CPEB3: variants seen among roughly 807,000 people sequenced by gnomAD.
The protein encoded by CPEB3 is cytoplasmic polyadenylation element-binding protein 3.
In CPEB3, 20 loss-of-function variants were observed where a neutral mutation model predicts 67.2. The ratio of observed to expected loss-of-function variants is 0.30; its 90% confidence interval spans 0.21 to 0.43. The LOEUF (loss-of-function observed/expected upper bound fraction) is 0.43. Ranked by LOEUF, CPEB3 falls within the 20% of genes least tolerant of loss-of-function variation. CPEB3 has a pLI of 1.00. For synonymous variants in CPEB3, 376 were observed against 393.1 expected (o/e 0.96, Z 0.51); for missense variants, 746 against 968.6 (o/e 0.77, Z 3.05).
At chr10:92,268,810 G>A (rs965996971) in intron 1 of CPEB3, among the ~76,000 whole-genome samples, 1 of 152,118 alleles carries the variant, frequency 6.6e-6, no homozygotes. Context: ...TTCCATGATG[G>A]CAACCATTGG....
chr10:92,069,419 T>G (rs1358904023), intron 9 of CPEB3, among the ~76,000 whole-genome samples: 1 of 152,228 alleles, frequency 6.6e-6, no homozygotes, highest in Non-Finnish European at 1.5e-5. Flanking sequence ...CAATGCCTTT[T>G]TTGAGACAGG....
At chr10:92,267,944 G>A (rs1022369824) in intron 1 of CPEB3, among the ~76,000 whole-genome samples, 3 of 151,976 alleles carry the variant, frequency 2.0e-5, no homozygotes, top group African/African-American at 4.8e-5. Flanking sequence ...TCCTCCTCCC[G>A]AGTAGCTGGG....
chr10:92,234,143 A>C (rs1851413068), intron 2 of CPEB3, among the ~76,000 whole-genome samples: 1 of 151,454 alleles, frequency 6.6e-6, no homozygotes, highest in African/African-American at 2.4e-5. Context: ...ATAAAGGCAG[A>C]GATACAGACA....
chr10:92,201,347 G>A (rs1564861099), intron 2 of CPEB3, among the ~76,000 whole-genome samples: 4 of 152,174 alleles, frequency 2.6e-5, no homozygotes, highest in Admixed American at 2.6e-4. Flanking sequence ...GGCCAACATG[G>A]TGAAACCCCG....
chr10:92,224,193 C>A (rs1442467494), intron 2 of CPEB3, among the ~76,000 whole-genome samples: 1 of 152,196 alleles, frequency 6.6e-6, no homozygotes, highest in Non-Finnish European at 1.5e-5. Flanking sequence ...AGCCACCGTG[C>A]CCCTGATTGT....
In CPEB3 at chr10:92,098,777, T is replaced by C. The variant is rs543535535; in HGVS notation, c.1573-6833A>G. Among the ~76,000 whole-genome samples the C allele has an allele frequency of 4.8e-5, 7 of 145,742 alleles. No homozygotes were observed. The East Asian group carries it at 1.2e-3, about 24-fold the overall frequency. ...AACTATTTTTCTTTTTTTCTTTTTT[T>C]TTTTTTTTTTTTGAGATGGAGTCTG... is the stretch of plus-strand genomic sequence containing the variant. On this transcript the variant is annotated intron_variant, in intron 7 of 9. Transcript: ENST00000265997.
At chr10:92,200,996 C>T (rs1017415758) in intron 2 of CPEB3, among the ~76,000 whole-genome samples, 3 of 152,098 alleles carry the variant, frequency 2.0e-5, no homozygotes, top group Non-Finnish European at 4.4e-5. Flanking sequence ...AGTACAAATG[C>T]CACCTGCTGC....
intron 2 of CPEB3, among the ~76,000 whole-genome samples, chr10:92,226,740 T>G (rs934846058): frequency 1.3e-5 from 2 of 150,694 alleles, no homozygotes; most frequent in African/African-American, 4.9e-5. Flanking sequence ...GAACAGAACA[T>G]CAAAGGCATA....
At chr10:92,131,805 C>T (rs1845855000) in intron 6 of CPEB3, among the ~76,000 whole-genome samples, 1 of 152,074 alleles carries the variant, frequency 6.6e-6, no homozygotes, top group Non-Finnish European at 1.5e-5. Flanking sequence ...GATGTGTGTG[C>T]CACATATAAT....
intron 7 of CPEB3, among the ~76,000 whole-genome samples, chr10:92,093,022 A>G (rs1843687156): frequency 3.9e-5 from 6 of 152,244 alleles, no homozygotes; most frequent in Admixed American, 3.9e-4. Flanking sequence ...TAACCTTAAA[A>G]CATGAGCCTT....
intron 6 of CPEB3, among the ~76,000 whole-genome samples, chr10:92,135,980 G>C (rs752878250): frequency 6.6e-6 from 1 of 151,164 alleles, no homozygotes; most frequent in Non-Finnish European, 1.5e-5. Context: ...TTGGACACAG[G>C]GCAGGGAACA....
chr10:92,246,419 TTTTCAAGTAC>T (rs1316537685), intron 1 of CPEB3, among the ~76,000 whole-genome samples: 1 of 151,950 alleles, frequency 6.6e-6, no homozygotes, highest in African/African-American at 2.4e-5. Context: ...AAGAAATGGA[TTTTCAAGTAC>T]TCCAAAGTAA....
rs1311287708 is a variant in CPEB3, at chr10:92,281,176, A to G, written c.-12+9750T>C. Among the ~76,000 whole-genome samples the G allele has an allele frequency of 2.6e-5, 4 of 151,642 alleles. No individual in the cohort carries two copies. In the East Asian group the frequency reaches 6.0e-4, roughly 23 times the overall value. On this transcript the variant is annotated intron_variant, in intron 1 of 9. Coordinates refer to ENST00000265997, the MANE Select transcript of CPEB3 (RefSeq NM_014912.5). ...AGGACCTTAAAAGACATTTCTTCAA[A>G]TAATTTTTTGGGGAAGAAATGTCTT...
intron 1 of CPEB3, among the ~76,000 whole-genome samples, chr10:92,254,868 T>C (rs1852454456): frequency 6.6e-6 from 1 of 151,866 alleles, no homozygotes; most frequent in Non-Finnish European, 1.5e-5. Context: ...TTATTTTTTA[T>C]TTTTATTTTT....
intron 4 of CPEB3, among the ~76,000 whole-genome samples, chr10:92,161,258 G>A (rs1483802786): frequency 6.6e-6 from 1 of 151,494 alleles, no homozygotes; most frequent in Admixed American, 6.6e-5. Context: ...ATTTTTTTTT[G>A]TTTCATTTTG....
chr10:92,192,624 G>T lies in CPEB3; in HGVS notation c.1018C>A (p.Pro340Thr). The T allele has an allele frequency of 6.3e-7, 1 of 1,599,824 alleles. No homozygotes were observed. Among genetic ancestry groups the T allele is most frequent in the East Asian group, 2.2e-5 (1 of 44,690 alleles). Residue 340 changes from proline to threonine, a missense_variant, in exon 3 of 10, where the codon CCC (proline) becomes ACC (threonine). Physicochemically the swap from Pro to Thr is conservative, Grantham distance 38. Coordinates refer to ENST00000265997, the MANE Select transcript of CPEB3 (RefSeq NM_014912.5). The part of the protein sequence containing the change: ...NLLPFQDRSR[P>T]YDTFNLHSLE... Reference sequence around the variant, plus strand: ...GAGTGCAAGTTAAAAGTATCATAGGGCCTACTCCGGTCCTAAGAATAAAAA... The same window carrying T: ...GAGTGCAAGTTAAAAGTATCATAGGTCCTACTCCGGTCCTAAGAATAAAAA...
chr10:92,259,235 T>C (rs1852681080), intron 1 of CPEB3, among the ~76,000 whole-genome samples: 1 of 151,546 alleles, frequency 6.6e-6, no homozygotes, highest in Non-Finnish European at 1.5e-5. Context: ...AGTACTGGGA[T>C]TACAGGTATG....
chr10:92,048,708 A>G lies in CPEB3; in HGVS notation c.*3504T>C, dbSNP rs1226173661. The stretch of plus-strand genomic sequence containing the variant: ...TTCCAATCACTTTACATAACCAAGC[A>G]TTTTCATCGTTGTCACACTATTGTA... On this transcript the variant is annotated 3_prime_UTR_variant, in exon 10 of 10. Transcript: ENST00000265997. The surrounding 1 kb of genome is among the most constrained non-coding windows in gnomAD (Gnocchi z 4.1). 1 of 152,590 alleles carries G rather than the reference A, an allele frequency of 6.6e-6. No homozygotes were observed. 9.5% of individuals were successfully genotyped at this position (152,590 alleles called of 1,614,324 possible). A position where few individuals can be genotyped will look rare whatever the true frequency, so the allele number is the denominator to read the frequency against.
intron 2 of CPEB3, among the ~76,000 whole-genome samples, chr10:92,209,292 A>C (rs1215735734): frequency 6.6e-6 from 1 of 152,258 alleles, no homozygotes; most frequent in Non-Finnish European, 1.5e-5. Flanking sequence ...TGGGAGGCCG[A>C]TGCAGGCAGA....
Sources: allele counts gnomAD v4.1 joint callset (sites outside exome capture counted in the v4.1 genomes callset), GRCh38; gene constraint gnomAD v4.1.1; non-coding constraint Gnocchi (gnomAD v3.1); transcripts MANE v1.5; gene names NCBI Gene and HGNC (gene_info 2026-07-23, HGNC 2026-07-21).